Variants in MAP3K5 observed in about 807,000 individuals in gnomAD.
MAP3K5 encodes the protein ASK-1.
Under a neutral mutation model 158.7 loss-of-function variants are expected in MAP3K5, and 56 were observed. The observed-to-expected ratio is 0.35, with a 90% CI of 0.28 to 0.44. MAP3K5 has a LOEUF of 0.44. Among genes scored for constraint, MAP3K5 ranks in the 20% least tolerant of loss-of-function variants. The probability of loss-of-function intolerance (pLI) is 1.00; values close to 1 mark genes in which losing one functional copy is unlikely to be tolerated. For synonymous variants in MAP3K5, 579 were observed against 601.7 expected (o/e 0.96, Z 0.55); for missense variants, 1,294 against 1,674.8 (o/e 0.77, Z 3.97).
chr6:136,639,637 T>A lies in MAP3K5; in HGVS notation c.1840A>T (p.Ile614Phe). The change falls in exon 13 of 30, where the codon ATT becomes TTT. Residue 614 changes from isoleucine (I) to phenylalanine (F), a missense_variant and splice_region_variant. Physicochemically the swap from Ile to Phe is conservative, Grantham distance 21. Around this residue, in one of 5 missense-constraint regions of MAP3K5, gnomAD observed 690 missense variants for 870.5 expected, o/e 0.79. Transcript: ENST00000359015. ...FSASSVRGVS[I>F]SKFEERCCFL... ...CAGCATCTTTCTTCAAATTTAGAAA[T>A]ACTGAAACCAACAAACAAAAAGGCA... 1 of 1,533,902 alleles carries A rather than the reference T, an allele frequency of 6.5e-7. No individual in the cohort carries two copies. Among genetic ancestry groups the A allele is most frequent in the Non-Finnish European group, 8.9e-7 (1 of 1,120,414 alleles).
intron 6 of MAP3K5, among the ~76,000 whole-genome samples, 172 bp from the exon 7 acceptor site, chr6:136,694,482 T>C (rs1308065566): frequency 6.6e-6 from 1 of 152,258 alleles, no homozygotes; most frequent in Non-Finnish European, 1.5e-5. Context: ...TAATTTTTTG[T>C]TTTATCCCAT....
At chr6:136,775,459 G>A (rs1784367911) in intron 1 of MAP3K5, among the ~76,000 whole-genome samples, 2 of 152,202 alleles carry the variant, frequency 1.3e-5, no homozygotes, top group Admixed American at 1.3e-4. Flanking sequence ...GAAAGCAGAT[G>A]AGAGTCTCGA....
At chr6:136,569,573 C>G (rs189407438) in intron 25 of MAP3K5, among the ~76,000 whole-genome samples, 1 of 152,182 alleles carries the variant, frequency 6.6e-6, no homozygotes, top group Non-Finnish European at 1.5e-5. Context: ...ACCTCCCAAT[C>G]CCTGCCAGAT....
intron 25 of MAP3K5, among the ~76,000 whole-genome samples, chr6:136,575,299 C>T (rs1193371490): frequency 6.6e-6 from 1 of 151,538 alleles, no homozygotes; most frequent in African/African-American, 2.4e-5. Flanking sequence ...GTAGCCAGGA[C>T]CACAGGCACA....
chr6:136,685,640 G>T (rs1780115720), intron 7 of MAP3K5, among the ~76,000 whole-genome samples: 1 of 152,124 alleles, frequency 6.6e-6, no homozygotes, highest in Admixed American at 6.5e-5. Context: ...ATGATCAGTG[G>T]CTTACTGTTT....
Position 136,638,671 on chromosome 6 carries a change from T to A in MAP3K5, c.1934+872A>T, listed in dbSNP as rs576962519. The stretch of plus-strand genomic sequence containing the variant: ...TTTCTTATTTCCAAGTGTTTTTTTT[T>A]CCCCCACCATATGTTTTATGATAAT... On this transcript the variant is annotated intron_variant, in intron 13 of 29. Coordinates refer to ENST00000359015, the MANE Select transcript of MAP3K5 (RefSeq NM_005923.4). Among the ~76,000 whole-genome samples, 11 of 151,270 alleles carry A rather than the reference T, an allele frequency of 7.3e-5. No homozygotes were observed. In the East Asian group the frequency reaches 2.0e-3, roughly 27 times the overall value.
chr6:136,569,044 G>A (rs1358973953), intron 25 of MAP3K5, among the ~76,000 whole-genome samples: 1 of 151,990 alleles, frequency 6.6e-6, no homozygotes, highest in Non-Finnish European at 1.5e-5. Flanking sequence ...TCCTCCCTTT[G>A]GAGTTTAGGC....
chr6:136,685,560 T>C (rs1349279328), intron 7 of MAP3K5, among the ~76,000 whole-genome samples: 1 of 152,164 alleles, frequency 6.6e-6, no homozygotes, highest in Non-Finnish European at 1.5e-5. Flanking sequence ...AAGAGTTCGA[T>C]GAGCCATTGT....
intron 9 of MAP3K5, among the ~76,000 whole-genome samples, chr6:136,658,777 C>T (rs886482941): frequency 2.0e-5 from 3 of 152,110 alleles, no homozygotes; most frequent in South Asian, 2.1e-4. Context: ...TCAGTCAAAT[C>T]CTAAGTAAGA....
chr6:136,608,060 T>G (rs1182548397), intron 18 of MAP3K5, among the ~76,000 whole-genome samples: 1 of 152,098 alleles, frequency 6.6e-6, no homozygotes, highest in Non-Finnish European at 1.5e-5. Context: ...TGCAGACAGC[T>G]GGGGTAGCGG....
intron 25 of MAP3K5, chr6:136,579,840 C>A (rs1562520154): frequency 2.2e-6 from 1 of 456,472 alleles, no homozygotes; most frequent in Non-Finnish European, 4.4e-6. Context: ...GGCTTTATTC[C>A]TGGCAGATTC....
In MAP3K5 at chr6:136,792,140, G is replaced by A. The variant is rs375548547; in HGVS notation, c.18C>T (p.Asp6=). ...GTGGCACAGAGAAAGTGATGCCCTC[G>A]TCCGCCTCCGTGCTCATCTCTCCGG... The part of the protein sequence containing the change: MSTEA[D]EGITFSVPPF... The change falls in exon 1 of 30, where the codon GAC becomes GAT. Residue 6 remains aspartate, a synonymous_variant. Transcript: ENST00000359015. This position sits in a 1 kb window ranked among gnomAD's most constrained non-coding sequence, Gnocchi z 5.7. 94 of 1,570,802 alleles carry A rather than the reference G, an allele frequency of 6.0e-5. 2 individuals are homozygous for A. Among genetic ancestry groups the A allele is most frequent in the Admixed American group, 4.1e-4 (22 of 54,186 alleles).
intron 10 of MAP3K5, among the ~76,000 whole-genome samples, chr6:136,655,534 G>A (rs1778703525): frequency 6.6e-6 from 1 of 152,174 alleles, no homozygotes; most frequent in Non-Finnish European, 1.5e-5. Context: ...CCGCCTCTAA[G>A]TATGGAAGAT....
chr6:136,585,099 CTTTT>C (rs1298188794), intron 23 of MAP3K5, among the ~76,000 whole-genome samples: 1 of 148,816 alleles, frequency 6.7e-6, no homozygotes, highest in Non-Finnish European at 1.5e-5. Context: ...ATGATTTTTT[CTTTT>C]TGTTTTTTTT....
intron 1 of MAP3K5, among the ~76,000 whole-genome samples, chr6:136,742,426 A>G (rs1782748530): frequency 6.6e-6 from 1 of 151,962 alleles, no homozygotes; most frequent in African/African-American, 2.4e-5. Flanking sequence ...CTGAACCTCT[A>G]CATGAAAAAA....
At chr6:136,786,379 CAA>C (rs11398691) in intron 1 of MAP3K5, among the ~76,000 whole-genome samples, 40 of 80,952 alleles carry the variant, frequency 4.9e-4, no homozygotes, top group Admixed American at 7.0e-4. Flanking sequence ...AACTCCATCT[CAA>C]AAAAAAAAAA....
At chr6:136,790,571 CTTG>C (rs1181957329) in intron 1 of MAP3K5, among the ~76,000 whole-genome samples, 1 of 152,186 alleles carries the variant, frequency 6.6e-6, no homozygotes, top group Non-Finnish European at 1.5e-5. Context: ...ACATGAAGGT[CTTG>C]TTGTTCTCAA....
intron 28 of MAP3K5, among the ~76,000 whole-genome samples, chr6:136,559,536 C>T: frequency 6.6e-6 from 1 of 152,210 alleles, no homozygotes; most frequent in South Asian, 2.1e-4. Context: ...TTCAATGCTA[C>T]ATAGCTTTGT....
intron 25 of MAP3K5, among the ~76,000 whole-genome samples, chr6:136,575,929 T>C (rs2129073309): frequency 6.6e-6 from 1 of 152,304 alleles, no homozygotes; most frequent in African/African-American, 2.4e-5. Flanking sequence ...ACCATCCACA[T>C]ATATCCTGTT....
Sources: allele counts gnomAD v4.1 joint callset (sites outside exome capture counted in the v4.1 genomes callset), GRCh38; gene constraint gnomAD v4.1.1; regional missense constraint gnomAD v4.1.1; non-coding constraint Gnocchi (gnomAD v3.1); transcripts MANE v1.5; gene names NCBI Gene and HGNC (gene_info 2026-07-23, HGNC 2026-07-21).